SAE1: variants seen among roughly 807,000 people sequenced by gnomAD.
The protein encoded by SAE1 is SUMO1 activating enzyme subunit 1, also known as SUMO-activating enzyme subunit 1.
SAE1 carries 11 observed loss-of-function variants against 40.6 expected under a neutral mutation model. The ratio of observed to expected loss-of-function variants is 0.27; its 90% CI spans 0.17 to 0.45. The LOEUF (loss-of-function observed/expected upper bound fraction) is 0.45, where lower values mean the gene tolerates loss of function less well. Among genes scored for constraint, SAE1 ranks in the 20% least tolerant of loss-of-function variants. The pLI, the probability that SAE1 is intolerant of heterozygous loss-of-function variation, is 1.00. For synonymous variants in SAE1, 155 were observed against 154.3 expected, an observed-to-expected ratio of 1.00 and a Z score of -0.03; for missense variants, 373 against 427.3, an observed-to-expected ratio of 0.87 and a Z score of 1.12.
rs979363611 is a variant in SAE1, at chr19:47,130,873, G to T, written c.-58G>T. 1.9e-6 allele frequency: 3 copies of T among 1,545,158 alleles called. No individual in the cohort carries two copies. Among genetic ancestry groups the T allele is most frequent in the Non-Finnish European group, 2.6e-6 (3 of 1,144,990 alleles). On this transcript the variant is annotated 5_prime_UTR_variant, in exon 1 of 9. Transcript: ENST00000270225. ...TGCCGGCGGCGGTAGGTGGCGCGCG[G>T]GTCCGGCGGGCGGTTGGCTTGAGCG...
At chr19:47,169,759 G>C (rs2058418859) in intron 5 of SAE1, 59 bp from the exon 6 acceptor site, 1 of 1,121,578 alleles carries the variant, frequency 8.9e-7, no homozygotes, top group Non-Finnish European at 1.4e-6. Context: ...AAGAGCAACT[G>C]CCTTGTGATT....
At chr19:47,137,003 A>G (rs555253048) in intron 1 of SAE1, among the ~76,000 whole-genome samples, 1 of 152,274 alleles carries the variant, frequency 6.6e-6, no homozygotes, top group South Asian at 2.1e-4. Context: ...GATAAAATGT[A>G]CAAATTGTGG....
chr19:47,167,245 C>T (rs2058399220), intron 5 of SAE1, among the ~76,000 whole-genome samples: 1 of 151,838 alleles, frequency 6.6e-6, no homozygotes, highest in African/African-American at 2.4e-5. Flanking sequence ...TGAGCCACCA[C>T]ACCCGGCCTG....
Position 47,203,676 on chromosome 19 carries a change from G to C in SAE1, c.884G>C (p.Cys295Ser). ...CTTGTCTTCCTCTCTTTTAGGTACTGCTTCTCCGAGATGGCCCCAGTGTGT... is the reference window on the plus strand; with the variant it reads ...CTTGTCTTCCTCTCTTTTAGGTACTCCTTCTCCGAGATGGCCCCAGTGTGT... ...DLLPEDFVRY[C>S]FSEMAPVCAV... is the part of the protein sequence containing the mutation. The change falls in exon 8 of 9, where the codon TGC becomes TCC. Residue 295 changes from cysteine to serine, a missense_variant. By Grantham distance (112) the Cys-to-Ser change is moderately radical. Around this residue, in one of 3 missense-constraint regions of SAE1, gnomAD observed 351 missense variants for 390.6 expected, o/e 0.90. Transcript: ENST00000270225. The C allele has an allele frequency of 6.2e-7, 1 of 1,613,972 alleles. No individual in the cohort carries two copies. The highest frequency in any genetic ancestry group is 8.5e-7 in the Non-Finnish European group (1 of 1,179,936).
At chr19:47,162,213 C>T (rs2058363312) in intron 5 of SAE1, among the ~76,000 whole-genome samples, 2 of 152,120 alleles carry the variant, frequency 1.3e-5, no homozygotes, top group Non-Finnish European at 2.9e-5. Context: ...TGTGTAAATA[C>T]ATTACTATTT....
At chr19:47,184,798 T>TTTTTGTTTTG (rs201318034) in intron 6 of SAE1, among the ~76,000 whole-genome samples, 72 of 148,570 alleles carry the variant, frequency 4.8e-4, no homozygotes, top group Non-Finnish European at 8.4e-4. Context: ...TTTTGTTTTG[T>TTTTTGTTTTG]TTTTGTTTTG....
chr19:47,193,837 AAAAGAAAG>A (rs1002431130), intron 6 of SAE1, among the ~76,000 whole-genome samples: 9 of 140,806 alleles, frequency 6.4e-5, no homozygotes, highest in East Asian at 2.3e-4. Context: ...AAAAAAAAAA[AAAAGAAAG>A]AAAAGAAAAA....
At chr19:47,133,175 G>C (rs867122691) in intron 1 of SAE1, among the ~76,000 whole-genome samples, 4 of 152,188 alleles carry the variant, frequency 2.6e-5, no homozygotes, top group African/African-American at 4.8e-5. Flanking sequence ...AAGTGTGTGG[G>C]AAAACCTGTT....
intron 2 of SAE1, among the ~76,000 whole-genome samples, chr19:47,148,606 C>T (rs1024630965): frequency 7.3e-4 from 111 of 151,338 alleles, no homozygotes; most frequent in African/African-American, 2.6e-3. Flanking sequence ...ATCTCTCCAC[C>T]TCTCTGAGTT....
At chr19:47,136,038 G>A (rs1043558582) in intron 1 of SAE1, among the ~76,000 whole-genome samples, 7 of 151,600 alleles carry the variant, frequency 4.6e-5, no homozygotes, top group African/African-American at 7.3e-5. Context: ...TCCTGACCTC[G>A]TGTACCACAA....
chr19:47,136,304 A>G (rs1473316654), intron 1 of SAE1, among the ~76,000 whole-genome samples: 1 of 151,474 alleles, frequency 6.6e-6, no homozygotes, highest in Non-Finnish European at 1.5e-5. Context: ...ACGCCCGGCT[A>G]ATCTTTGTAT....
chr19:47,142,060 C>T (rs147701737), intron 1 of SAE1, among the ~76,000 whole-genome samples: 1 of 152,182 alleles, frequency 6.6e-6, no homozygotes, highest in East Asian at 1.9e-4. Context: ...TTTTTTCAGC[C>T]TCATCTTCTG....
At chr19:47,133,866 G>GTT (rs1360686305) in intron 1 of SAE1, among the ~76,000 whole-genome samples, 20 of 139,516 alleles carry the variant, frequency 1.4e-4, no homozygotes, top group Non-Finnish European at 2.2e-4. Flanking sequence ...TTTTTTGTTT[G>GTT]TTTTTTTTTT....
intron 6 of SAE1, among the ~76,000 whole-genome samples, chr19:47,196,874 A>G (rs938238582): frequency 4.6e-5 from 7 of 151,738 alleles, no homozygotes; most frequent in African/African-American, 1.2e-4. Flanking sequence ...CTCTCTGACT[A>G]TGTTTGTTGA....
chr19:47,140,240 G>A (rs974902742), intron 1 of SAE1, among the ~76,000 whole-genome samples: 8 of 151,842 alleles, frequency 5.3e-5, no homozygotes, highest in African/African-American at 1.9e-4. Context: ...CCGAGTAGCT[G>A]GGACTACAGG....
At chr19:47,151,786 A>C (rs1375526980) in intron 3 of SAE1, among the ~76,000 whole-genome samples, 1 of 152,202 alleles carries the variant, frequency 6.6e-6, no homozygotes, top group African/African-American at 2.4e-5. Context: ...ATTTTATGCC[A>C]GGTGTCCCTT....
intron 2 of SAE1, among the ~76,000 whole-genome samples, chr19:47,145,967 A>G (rs1284417208): frequency 6.9e-6 from 1 of 145,458 alleles, no homozygotes; most frequent in Non-Finnish European, 1.5e-5. Flanking sequence ...CGGAAACCAT[A>G]GCAGGCTCCC....
At chr19:47,139,747 C>T (rs1039182225) in intron 1 of SAE1, among the ~76,000 whole-genome samples, 1 of 150,024 alleles carries the variant, frequency 6.7e-6, no homozygotes, top group African/African-American at 2.5e-5. Context: ...CGCCACCACT[C>T]CCGGCCAATT....
rs376951250 is a variant in SAE1, at chr19:47,202,416, T to C, written c.879-1255T>C. On this transcript the variant is annotated intron_variant, in intron 7 of 8. Transcript: ENST00000270225. Reference sequence around the variant, plus strand: ...GATTCTCCTGCCTCAACCTCCTGAGTAGCTGGGACTACAGGCTCACCCCAC... The same window carrying C: ...GATTCTCCTGCCTCAACCTCCTGAGCAGCTGGGACTACAGGCTCACCCCAC... Among the ~76,000 whole-genome samples the C allele has an allele frequency of 2.8e-4, 42 of 151,886 alleles. No homozygotes were observed. The South Asian group carries it at 6.9e-3, about 25-fold the overall frequency.
Sources: gnomAD v4.1 joint callset for allele counts (sites outside exome capture counted in the v4.1 genomes callset) on GRCh38, gnomAD v4.1.1 for gene constraint, gnomAD v4.1.1 regional missense constraint, MANE v1.5 for transcripts, NCBI Gene and HGNC (gene_info 2026-07-23, HGNC 2026-07-21) for gene names.